The following CEP120 variants were observed in gnomAD, a reference collection of about 807,000 sequenced individuals.
CEP120 encodes the protein centrosomal protein of 120 kDa.
CEP120 carries 113 observed loss-of-function variants against 126.5 expected under a neutral mutation model. The observed-to-expected ratio is 0.89, with a 90% CI of 0.77 to 1.04. CEP120 has a LOEUF of 1.04. CEP120 is among the 50% of genes least tolerant of loss of function. The pLI, the probability that CEP120 is intolerant of heterozygous loss-of-function variation, is 0.00. For synonymous variants in CEP120, 400 were observed against 394.3 expected (o/e 1.01, Z -0.17); for missense variants, 1,230 against 1,155.7 (o/e 1.06, Z -0.93).
intron 18 of CEP120, among the ~76,000 whole-genome samples, chr5:123,361,580 T>G (rs1379337640): frequency 6.6e-6 from 1 of 151,812 alleles, no homozygotes; most frequent in Non-Finnish European, 1.5e-5. Context: ...TACATACTTT[T>G]TGCTTCTGTA....
At chr5:123,378,966 A>T (rs546515575) in intron 14 of CEP120, among the ~76,000 whole-genome samples, 1 of 151,984 alleles carries the variant, frequency 6.6e-6, no homozygotes, top group African/African-American at 2.4e-5. Flanking sequence ...CATGAGGAGA[A>T]TCTAGCATGA....
chr5:123,402,288 G>A, intron 4 of CEP120: 2 of 1,472,008 alleles, frequency 1.4e-6, no homozygotes, highest in Non-Finnish European at 1.8e-6. Flanking sequence ...GCTGCTGAAG[G>A]CCCGGGGGCC....
At position 123,390,858 on chromosome 5, in the gene CEP120, G is replaced by A. The variant is rs1772345339; in HGVS notation, c.1038+252C>T. On this transcript the variant is annotated intron_variant, in intron 7 of 19. Transcript: ENST00000306467. ...GTTCCTTTTCTGGAGTTGGGGGTGG[G>A]GGAGACCATAAGTGGGTTTCCACTA... The A allele has an allele frequency of 1.4e-5, 5 of 349,424 alleles. No individual in the cohort carries two copies. The South Asian group carries it at 3.4e-4, about 24-fold the overall frequency. 21.6% of individuals were successfully genotyped at this position (349,424 alleles called of 1,614,324 possible). A position where few individuals can be genotyped will look rare whatever the true frequency, so the allele number is the denominator to read the frequency against.
chr5:123,372,192 C>CG (rs1770901906), intron 17 of CEP120, among the ~76,000 whole-genome samples: 1 of 151,994 alleles, frequency 6.6e-6, no homozygotes, highest in Non-Finnish European at 1.5e-5. Context: ...GGGTGATACA[C>CG]GGAGAGAATA....
intron 4 of CEP120, among the ~76,000 whole-genome samples, chr5:123,408,932 C>T (rs1374958914): frequency 1.3e-5 from 2 of 152,152 alleles, no homozygotes; most frequent in East Asian, 3.8e-4. Context: ...ATAGGCCGGG[C>T]ATGGTGGCTC....
chr5:123,374,177 GATT>G, intron 16 of CEP120, among the ~76,000 whole-genome samples: 1 of 152,036 alleles, frequency 6.6e-6, no homozygotes, highest in South Asian at 2.1e-4. Flanking sequence ...GTAATTTAAA[GATT>G]ATTTGGTTCA....
At chr5:123,382,300 T>A in intron 13 of CEP120, 100 bp from the exon 14 acceptor site, 1 of 534,544 alleles carries the variant, frequency 1.9e-6, no homozygotes, top group Non-Finnish European at 3.1e-6. Context: ...ACTAATATGA[T>A]TTTTTCAGGC....
At chr5:123,366,854 C>A (rs1429204375) in intron 17 of CEP120, among the ~76,000 whole-genome samples, 1 of 151,842 alleles carries the variant, frequency 6.6e-6, no homozygotes, top group African/African-American at 2.4e-5. Flanking sequence ...ATCTGTCCTA[C>A]CCGCTCAACC....
intron 5 of CEP120, among the ~76,000 whole-genome samples, chr5:123,396,975 T>G (rs1269721330): frequency 6.6e-6 from 1 of 152,166 alleles, no homozygotes; most frequent in Non-Finnish European, 1.5e-5. Flanking sequence ...CAGTAAGTAA[T>G]CAATAAATAT....
At chr5:123,359,672 A>G (rs1580641772) in intron 18 of CEP120, among the ~76,000 whole-genome samples, 1 of 152,124 alleles carries the variant, frequency 6.6e-6, no homozygotes, top group East Asian at 1.9e-4. Context: ...ATCAGGACTC[A>G]TTTTATGTTA....
intron 19 of CEP120, among the ~76,000 whole-genome samples, chr5:123,347,711 T>G (rs1234314614): frequency 1.3e-5 from 2 of 152,084 alleles, no homozygotes; most frequent in Non-Finnish European, 2.9e-5. Flanking sequence ...AGTGGTGTGA[T>G]CACAACTCAC....
At chr5:123,371,303 C>G (rs1300770845) in intron 17 of CEP120, among the ~76,000 whole-genome samples, 1 of 152,048 alleles carries the variant, frequency 6.6e-6, no homozygotes, top group Non-Finnish European at 1.5e-5. Context: ...GGAAGCCTCA[C>G]AATCATGGTA....
rs936008831 is a variant in CEP120, at chr5:123,354,456, T to C, written c.2581-4367A>G. Among the ~76,000 whole-genome samples the C allele has an allele frequency of 2.0e-5, 3 of 152,126 alleles. No individual in the cohort carries two copies. In the East Asian group the frequency reaches 5.8e-4, roughly 29 times the overall value. ...CTTCTACATTATTACTTATTTTCGG[T>C]CTGTTTGCACCATCAGTTCTCAGGA... On this transcript the variant is annotated intron_variant, in intron 18 of 19. Coordinates refer to ENST00000306467, the MANE Select transcript of CEP120 (RefSeq NM_001375405.1).
chr5:123,413,525 T>C (rs1357460699), intron 3 of CEP120, among the ~76,000 whole-genome samples: 1 of 152,126 alleles, frequency 6.6e-6, no homozygotes, highest in African/African-American at 2.4e-5. Context: ...ATATCATGCC[T>C]ACATATATTA....
intron 19 of CEP120, 150 bp from the exon 20 acceptor site, chr5:123,346,903 C>T: frequency 1.8e-6 from 1 of 561,950 alleles, no homozygotes; most frequent in Non-Finnish European, 3.0e-6. Flanking sequence ...TTCCACTTGG[C>T]TAGTCAGAGT....
At chr5:123,394,206 C>T (rs756191940) in intron 5 of CEP120, among the ~76,000 whole-genome samples, 7 of 152,146 alleles carry the variant, frequency 4.6e-5, no homozygotes, top group African/African-American at 7.2e-5. Flanking sequence ...TTATCATACA[C>T]CATGGCTGCT....
chr5:123,422,714 C>G, intron 1 of CEP120: 1 of 715,178 alleles, frequency 1.4e-6, no homozygotes, highest in Non-Finnish European at 2.4e-6. Context: ...TCTAGATTCT[C>G]TGGGGCTACG....
At chr5:123,398,781 C>T (rs1772974538) in intron 5 of CEP120, among the ~76,000 whole-genome samples, 1 of 152,136 alleles carries the variant, frequency 6.6e-6, no homozygotes, top group African/African-American at 2.4e-5. Context: ...GTATTAGTGG[C>T]AGAAAGTATT....
At chr5:123,422,825 C>T in intron 1 of CEP120, 125 bp downstream of exon 1, 1 of 927,338 alleles carries the variant, frequency 1.1e-6, no homozygotes, top group African/African-American at 1.6e-5. Context: ...CAACTTTGAA[C>T]AAGTCTGTGG....
Sources: allele counts gnomAD v4.1 joint callset (sites outside exome capture counted in the v4.1 genomes callset), GRCh38; gene constraint gnomAD v4.1.1; transcripts MANE v1.5; gene names NCBI Gene and HGNC (gene_info 2026-07-23, HGNC 2026-07-21).